IMPG1: variants seen among roughly 807,000 people sequenced by gnomAD.
IMPG1 encodes the protein interphotoreceptor matrix proteoglycan 1.
IMPG1 carries 85 observed loss-of-function variants against 92.0 expected under a neutral mutation model. The ratio of observed to expected loss-of-function variants is 0.92; its 90% confidence interval spans 0.78 to 1.11. IMPG1 has a LOEUF of 1.11. Ranked by LOEUF, IMPG1 falls within the 50% of genes least tolerant of loss-of-function variation. The pLI, the probability that IMPG1 is intolerant of heterozygous loss-of-function variation, is 0.00. For synonymous variants in IMPG1, 367 were observed against 334.1 expected, an observed-to-expected ratio of 1.10 and a Z score of -1.08; for missense variants, 1,022 against 956.0, an observed-to-expected ratio of 1.07 and a Z score of -0.91.
rs556136706 is a variant in IMPG1 at position 76,055,837 on chromosome 6, G to A, written c.68-13711C>T. On this transcript the variant is annotated intron_variant, in intron 1 of 16. Coordinates refer to ENST00000369950, the MANE Select transcript of IMPG1 (RefSeq NM_001563.4). ...AGTTTGATATGAAATGCATAAATTT[G>A]TAGAAACGTGTAACTTACTATAACT... is the stretch of plus-strand genomic sequence containing the variant. Among the ~76,000 whole-genome samples the A allele has an allele frequency of 2.8e-3, 422 of 152,076 alleles. 2 individuals carry two copies. Among genetic ancestry groups the A allele is most frequent in the Non-Finnish European group, 3.4e-3 (229 of 67,912 alleles).
intron 14 of IMPG1, among the ~76,000 whole-genome samples, chr6:75,931,827 C>A (rs976181523): frequency 6.6e-6 from 1 of 152,176 alleles, no homozygotes; most frequent in Non-Finnish European, 1.5e-5. Context: ...GTCTCCAATT[C>A]TTTGGGAAGT....
intron 12 of IMPG1, among the ~76,000 whole-genome samples, chr6:75,957,142 A>C (rs2149460067): frequency 6.6e-6 from 1 of 150,990 alleles, no homozygotes; most frequent in South Asian, 2.1e-4. Flanking sequence ...CTGGTCTTGA[A>C]CTCCTGACCT....
intron 4 of IMPG1, among the ~76,000 whole-genome samples, chr6:76,026,859 C>A (rs976646412): frequency 6.6e-6 from 1 of 152,154 alleles, no homozygotes; most frequent in Admixed American, 6.6e-5. Context: ...TTTTGTTATA[C>A]ATCCTGAGGG....
chr6:76,064,464 G>A (rs1784272837), intron 1 of IMPG1, among the ~76,000 whole-genome samples: 1 of 151,814 alleles, frequency 6.6e-6, no homozygotes, highest in African/African-American at 2.4e-5. Flanking sequence ...AGCTGGGCCA[G>A]GAATATGACA....
intron 12 of IMPG1, among the ~76,000 whole-genome samples, chr6:75,983,493 A>G (rs533536055): frequency 1.3e-5 from 2 of 152,322 alleles, no homozygotes; most frequent in South Asian, 4.1e-4. Context: ...AGTCTCTTCA[A>G]TAAATGGTTT....
At chr6:75,927,612 G>A (rs1488474743) in intron 15 of IMPG1, among the ~76,000 whole-genome samples, 1 of 151,880 alleles carries the variant, frequency 6.6e-6, no homozygotes, top group East Asian at 1.9e-4. Flanking sequence ...GGGTATCAGG[G>A]GTTAATACTT....
At chr6:75,963,351 G>C (rs929168420) in intron 12 of IMPG1, among the ~76,000 whole-genome samples, 4 of 152,186 alleles carry the variant, frequency 2.6e-5, no homozygotes, top group South Asian at 2.1e-4. Flanking sequence ...TGAGTTAAAA[G>C]ACATTGTTTT....
intron 1 of IMPG1, among the ~76,000 whole-genome samples, chr6:76,045,445 T>TG (rs1783922883): frequency 6.6e-6 from 1 of 150,666 alleles, no homozygotes; most frequent in African/African-American, 2.4e-5. Flanking sequence ...CTCCATCTTT[T>TG]TTTTTTTTTT....
In IMPG1 at chr6:75,924,499, T is replaced by C. The variant is rs529755940; in HGVS notation, c.2244-793A>G. The stretch of plus-strand genomic sequence containing the variant: ...ATTATATATTATAATATAATATAAT[T>C]ATATAATATAATTAATATAATTATA... On this transcript the variant is annotated intron_variant, in intron 15 of 16. Coordinates refer to ENST00000369950, the MANE Select transcript of IMPG1 (RefSeq NM_001563.4). Among the ~76,000 whole-genome samples, 202 of 93,000 alleles carry C rather than the reference T, an allele frequency of 2.2e-3. 7 individuals carry two copies. The highest frequency in any genetic ancestry group is 8.2e-3 in the African/African-American group (189 of 22,922). 61.0% of individuals were successfully genotyped at this position (93,000 alleles called of 152,430 possible).
chr6:75,930,437 A>G (rs1003287755), intron 15 of IMPG1, among the ~76,000 whole-genome samples: 4 of 152,228 alleles, frequency 2.6e-5, no homozygotes, highest in African/African-American at 9.6e-5. Flanking sequence ...ACTGATTTTC[A>G]TTTTTATATA....
chr6:76,014,411 T>A (rs1323488433), intron 7 of IMPG1, among the ~76,000 whole-genome samples: 8 of 152,158 alleles, frequency 5.3e-5, no homozygotes. Flanking sequence ...CGAGTTTCTG[T>A]GTCTCCACCC....
chr6:76,063,974 T>C (rs1378371921), intron 1 of IMPG1, among the ~76,000 whole-genome samples: 1 of 151,804 alleles, frequency 6.6e-6, no homozygotes, highest in African/African-American at 2.4e-5. Context: ...TTCAGCCCTA[T>C]GGGGAAGAGT....
chr6:76,036,994 G>A (rs1403814754), intron 2 of IMPG1, among the ~76,000 whole-genome samples: 4 of 152,188 alleles, frequency 2.6e-5, no homozygotes, highest in Non-Finnish European at 5.9e-5. Context: ...AATGTTGGAA[G>A]CCTCCCTATA....
intron 1 of IMPG1, among the ~76,000 whole-genome samples, chr6:76,068,356 C>A (rs1360197212): frequency 6.6e-6 from 1 of 152,068 alleles, no homozygotes; most frequent in Non-Finnish European, 1.5e-5. Flanking sequence ...GATACAAAAT[C>A]AGCCCATAAT....
intron 14 of IMPG1, among the ~76,000 whole-genome samples, chr6:75,945,301 CAGTT>C (rs1414442487): frequency 4.0e-5 from 6 of 151,002 alleles, no homozygotes; most frequent in Non-Finnish European, 7.4e-5. Flanking sequence ...AATATTCTTT[CAGTT>C]AGTTCTCATA....
intron 12 of IMPG1, among the ~76,000 whole-genome samples, chr6:75,967,780 C>G (rs892493314): frequency 4.6e-5 from 7 of 152,154 alleles, no homozygotes; most frequent in Admixed American, 3.9e-4. Flanking sequence ...CAGCTGATCA[C>G]ATAGCTGAAG....
At chr6:76,072,364 C>G (rs1350950856) in intron 1 of IMPG1, 58 bp downstream of exon 1, 1 of 943,734 alleles carries the variant, frequency 1.1e-6, no homozygotes, top group Non-Finnish European at 1.7e-6. Context: ...TAAATATTCA[C>G]TTCTATCGGT....
chr6:75,927,282 G>C (rs1781571816), intron 15 of IMPG1, among the ~76,000 whole-genome samples: 2 of 152,130 alleles, frequency 1.3e-5, no homozygotes, highest in South Asian at 4.1e-4. Context: ...TTAAGGGCAG[G>C]GGGTGGGGAA....
chr6:76,052,443 G>A (rs1030727675), intron 1 of IMPG1, among the ~76,000 whole-genome samples: 2 of 152,166 alleles, frequency 1.3e-5, no homozygotes, highest in Non-Finnish European at 2.9e-5. Context: ...TGATAATGCA[G>A]CCTCTCGAAT....
Sources: allele counts gnomAD v4.1 joint callset (sites outside exome capture counted in the v4.1 genomes callset), GRCh38; gene constraint gnomAD v4.1.1; transcripts MANE v1.5; gene names NCBI Gene and HGNC (gene_info 2026-07-23, HGNC 2026-07-21).